NRXN1: variants seen among roughly 807,000 people sequenced by gnomAD.
The protein encoded by NRXN1 is neurexin-1.
NRXN1 carries 39 observed loss-of-function variants against 150.9 expected under a neutral mutation model. The ratio of observed to expected loss-of-function variants is 0.26; its 90% CI spans 0.20 to 0.34. The LOEUF (loss-of-function observed/expected upper bound fraction) is 0.34. Ranked by LOEUF, NRXN1 falls within the 10% of genes least tolerant of loss-of-function variation. NRXN1 has a pLI of 1.00. For missense variants in NRXN1, 1,815 were observed against 1,949.9 expected (o/e 0.93, Z 1.30); for synonymous variants, 924 against 757.0 (o/e 1.22, Z -3.62).
chr2:50,035,637 G>C lies in NRXN1; in HGVS notation c.4128+17634C>G, dbSNP rs1456144295. Among the ~76,000 whole-genome samples, 3 of 151,968 alleles carry C rather than the reference G, an allele frequency of 2.0e-5. No homozygotes were observed. In the East Asian group the frequency reaches 5.8e-4, roughly 29 times the overall value. ...TATGACAACTGCAAAACATATACTTGGAGAAAAATAGCCTAAAATATAAAA... is the reference window on the plus strand; with the variant it reads ...TATGACAACTGCAAAACATATACTTCGAGAAAAATAGCCTAAAATATAAAA... On this transcript the variant is annotated intron_variant, in intron 21 of 22. Transcript: ENST00000401669.
chr2:49,969,571 A>G (rs1338733939), intron 21 of NRXN1: 1 of 152,070 alleles, frequency 6.6e-6, no homozygotes, highest in Non-Finnish European at 1.5e-5. Context: ...TTACATATAT[A>G]TAATCTATAC....
intron 17 of NRXN1, among the ~76,000 whole-genome samples, chr2:50,320,312 A>ATATATATATATATATATATATGTG (rs1558519091): frequency 3.2e-5 from 4 of 125,372 alleles, no homozygotes; most frequent in African/African-American, 6.3e-5. Flanking sequence ...ATATATATAT[A>ATATATATATATATATATATATGTG]TATATATATA....
At chr2:50,594,729 A>C (rs1674862590) in intron 8 of NRXN1, among the ~76,000 whole-genome samples, 1 of 152,136 alleles carries the variant, frequency 6.6e-6, no homozygotes, top group African/African-American at 2.4e-5. Flanking sequence ...ATTCACGCTA[A>C]CAGCATTTTG....
intron 18 of NRXN1, among the ~76,000 whole-genome samples, chr2:50,227,923 T>C (rs2064556667): frequency 1.3e-5 from 2 of 152,246 alleles, no homozygotes; most frequent in African/African-American, 4.8e-5. Context: ...GTTTAAAAGA[T>C]ACTCAAACTT....
chr2:50,770,680 A>AT (rs1441069789), intron 5 of NRXN1, among the ~76,000 whole-genome samples: 2 of 152,072 alleles, frequency 1.3e-5, no homozygotes, highest in South Asian at 2.1e-4. Flanking sequence ...ATTCTTTTAA[A>AT]TTTTTTATTA....
chr2:50,476,302 C>T (rs918884192), intron 15 of NRXN1, among the ~76,000 whole-genome samples: 1 of 152,016 alleles, frequency 6.6e-6, no homozygotes, highest in Non-Finnish European at 1.5e-5. Flanking sequence ...ATCCATTCCG[C>T]AGTAATTGAG....
chr2:50,470,573 G>A lies in NRXN1; in HGVS notation c.3244+1725C>T, dbSNP rs150204145. 4.8e-4 allele frequency among the ~76,000 whole-genome samples: 73 copies of A among 151,738 alleles called. No homozygotes were observed. The East Asian group carries it at 0.012, about 25-fold the overall frequency. On this transcript the variant is annotated intron_variant, in intron 16 of 22. Transcript: ENST00000401669. ...TACTTAAGTAATTGCTAAATATAAC[G>A]ACATTATTTTGGCTGAGAATAAATG... is the stretch of plus-strand genomic sequence containing the variant.
intron 17 of NRXN1, among the ~76,000 whole-genome samples, chr2:50,386,188 C>T (rs1012951654): frequency 1.3e-5 from 2 of 151,992 alleles, no homozygotes; most frequent in Non-Finnish European, 2.9e-5. Flanking sequence ...ATATTAAAGA[C>T]ATCAATCATA....
chr2:50,272,023 A>C (rs1429483028), intron 17 of NRXN1, among the ~76,000 whole-genome samples: 2 of 152,074 alleles, frequency 1.3e-5, no homozygotes, highest in Non-Finnish European at 2.9e-5. Flanking sequence ...GGATAGACTT[A>C]ATATTTATTT....
At chr2:50,214,574 T>C (rs2063259322) in intron 18 of NRXN1, among the ~76,000 whole-genome samples, 2 of 151,932 alleles carry the variant, frequency 1.3e-5, no homozygotes, top group South Asian at 4.2e-4. Flanking sequence ...TACTGCCTAG[T>C]TATAAAACAG....
chr2:50,432,519 A>C (rs2085057906), intron 17 of NRXN1, among the ~76,000 whole-genome samples: 1 of 152,300 alleles, frequency 6.6e-6, no homozygotes, highest in Non-Finnish European at 1.5e-5. Context: ...CTGTTACTTA[A>C]GTATATTTAT....
At chr2:50,872,122 G>A (rs529149592) in intron 5 of NRXN1, among the ~76,000 whole-genome samples, 52 of 151,832 alleles carry the variant, frequency 3.4e-4, no homozygotes, top group African/African-American at 1.1e-3. Flanking sequence ...CTTTATGTGT[G>A]TGTATGCATG....
chr2:50,490,893 C>T (rs1399952508), intron 15 of NRXN1, among the ~76,000 whole-genome samples: 1 of 152,144 alleles, frequency 6.6e-6, no homozygotes, highest in East Asian at 1.9e-4. Context: ...CCTACTGGAT[C>T]CTTAAAATAA....
chr2:50,261,080 C>T (rs968898711), intron 17 of NRXN1, among the ~76,000 whole-genome samples: 5 of 151,842 alleles, frequency 3.3e-5, no homozygotes, highest in African/African-American at 1.2e-4. Flanking sequence ...GATTTCAGAT[C>T]ATGTAGAGAC....
intron 17 of NRXN1, among the ~76,000 whole-genome samples, chr2:50,407,028 A>G (rs747585585): frequency 2.0e-5 from 3 of 152,182 alleles, no homozygotes; most frequent in Non-Finnish European, 4.4e-5. Flanking sequence ...AGGAAAATTG[A>G]AAAGGAAGAA....
At chr2:50,301,409 A>G (rs1192710257) in intron 17 of NRXN1, among the ~76,000 whole-genome samples, 1 of 152,244 alleles carries the variant, frequency 6.6e-6, no homozygotes, top group Non-Finnish European at 1.5e-5. Flanking sequence ...CAGAGTCCAT[A>G]TACTTGGTCA....
chr2:50,701,489 A>G (rs1306174354), intron 5 of NRXN1, among the ~76,000 whole-genome samples: 5 of 152,182 alleles, frequency 3.3e-5, no homozygotes, highest in African/African-American at 1.2e-4. Context: ...TTTTGCCTAC[A>G]TATATACTGA....
chr2:50,729,000 C>A (rs1026848765), intron 5 of NRXN1, among the ~76,000 whole-genome samples: 1 of 152,024 alleles, frequency 6.6e-6, no homozygotes, highest in Non-Finnish European at 1.5e-5. Context: ...TACTGTGAAA[C>A]CTTTTTTTCC....
At chr2:50,049,515 T>C (rs1488505973) in intron 21 of NRXN1, among the ~76,000 whole-genome samples, 3 of 152,202 alleles carry the variant, frequency 2.0e-5, no homozygotes, top group East Asian at 1.9e-4. Flanking sequence ...CTTTCCATTA[T>C]ACTACAATCT....
Sources: allele counts gnomAD v4.1 joint callset (sites outside exome capture counted in the v4.1 genomes callset), GRCh38; gene constraint gnomAD v4.1.1; transcripts MANE v1.5; gene names NCBI Gene and HGNC (gene_info 2026-07-23, HGNC 2026-07-21).